The following SAMD12 variants were observed in gnomAD, a reference collection of about 807,000 sequenced individuals.
SAMD12 encodes sterile alpha motif domain containing 12.
In SAMD12, 9 loss-of-function variants were observed where a neutral mutation model predicts 15.0. The observed-to-expected ratio is 0.60, with a 90% CI of 0.36 to 1.05. SAMD12 has a LOEUF of 1.05. SAMD12 is among the 50% of genes least tolerant of loss of function. SAMD12 has a pLI of 0.01. For synonymous variants in SAMD12, 86 were observed against 90.1 expected (o/e 0.96, Z 0.25); for missense variants, 230 against 234.2 (o/e 0.98, Z 0.12).
intron 2 of SAMD12, among the ~76,000 whole-genome samples, chr8:118,486,333 G>C (rs545703937): frequency 1.3e-5 from 2 of 151,870 alleles, no homozygotes; most frequent in South Asian, 2.1e-4. Flanking sequence ...GGAGAATGGC[G>C]TGAACCTGGG....
At chr8:118,603,398 C>A (rs1481749934) in intron 1 of SAMD12, among the ~76,000 whole-genome samples, 1 of 151,910 alleles carries the variant, frequency 6.6e-6, no homozygotes, top group Non-Finnish European at 1.5e-5. Flanking sequence ...ATGTTTTATA[C>A]AAAGGAGAAA....
At chr8:118,511,007 A>G (rs1015092443) in intron 2 of SAMD12, among the ~76,000 whole-genome samples, 2 of 152,240 alleles carry the variant, frequency 1.3e-5, no homozygotes, top group African/African-American at 4.8e-5. Context: ...ACTGACTGTG[A>G]CAGTCTGGGA....
At chr8:118,453,211 C>T (rs1313226763) in intron 2 of SAMD12, among the ~76,000 whole-genome samples, 2 of 152,054 alleles carry the variant, frequency 1.3e-5, no homozygotes, top group South Asian at 4.1e-4. Flanking sequence ...TATTCTAAGA[C>T]CTCTATTTGG....
chr8:118,197,081 GAAAA>G (rs112954413), exon 5 of SAMD12: 1 of 141,830 alleles, frequency 7.1e-6, no homozygotes, highest in Non-Finnish European at 1.5e-5. Flanking sequence ...GTCTGAGCCG[GAAAA>G]AAAAAAACCA....
At chr8:118,134,717 C>T in the SAMD12 span, among the ~76,000 whole-genome samples, 1 of 152,286 alleles carries the variant, frequency 6.6e-6, no homozygotes, top group African/African-American at 2.4e-5. Flanking sequence ...GGTTTGTGGT[C>T]AGGCAATACT....
intron 3 of SAMD12, among the ~76,000 whole-genome samples, chr8:118,429,170 G>C (rs574372231): frequency 5.3e-5 from 8 of 152,206 alleles, no homozygotes; most frequent in African/African-American, 1.7e-4. Context: ...CTATTACATA[G>C]TAATCTTGTA....
intron 2 of SAMD12, among the ~76,000 whole-genome samples, chr8:118,518,182 A>G (rs1049141901): frequency 2.6e-5 from 4 of 152,204 alleles, no homozygotes; most frequent in African/African-American, 9.6e-5. Flanking sequence ...TCATATGCCT[A>G]CCACTGTAGA....
chr8:118,393,960 T>G (rs1226310300), intron 3 of SAMD12, among the ~76,000 whole-genome samples: 7 of 152,174 alleles, frequency 4.6e-5, no homozygotes, highest in Admixed American at 2.0e-4. Flanking sequence ...CAAGTGAAGT[T>G]TAAATTCAGG....
At chr8:118,494,373 C>A (rs918924031) in intron 2 of SAMD12, among the ~76,000 whole-genome samples, 4 of 152,106 alleles carry the variant, frequency 2.6e-5, no homozygotes, top group African/African-American at 9.7e-5. Flanking sequence ...GTTAGAGCAG[C>A]AACAGGAAAA....
intron 2 of SAMD12, among the ~76,000 whole-genome samples, chr8:118,516,829 G>A (rs1825258117): frequency 1.3e-5 from 2 of 152,096 alleles, no homozygotes; most frequent in South Asian, 4.1e-4. Flanking sequence ...AGTAGAGATG[G>A]GGTTTCACTG....
chr8:118,497,830 G>C (rs1246697670), intron 2 of SAMD12, among the ~76,000 whole-genome samples: 1 of 151,866 alleles, frequency 6.6e-6, no homozygotes, highest in Non-Finnish European at 1.5e-5. Flanking sequence ...CTTGATCAGG[G>C]ATTTAGAAGT....
chr8:118,492,991 T>C (rs937357017), intron 2 of SAMD12, among the ~76,000 whole-genome samples: 24 of 152,158 alleles, frequency 1.6e-4, no homozygotes, highest in African/African-American at 5.5e-4. Flanking sequence ...ATACCCAGTA[T>C]ATCAAGTATT....
chr8:118,205,373 A>C (rs910536055), intron 4 of SAMD12, among the ~76,000 whole-genome samples: 2 of 152,252 alleles, frequency 1.3e-5, no homozygotes, highest in East Asian at 3.8e-4. Flanking sequence ...TAGCACTATC[A>C]TTCACCAAGT....
At chr8:118,372,083 G>A (rs906126795) in intron 4 of SAMD12, among the ~76,000 whole-genome samples, 2 of 152,154 alleles carry the variant, frequency 1.3e-5, no homozygotes, top group Admixed American at 6.6e-5. Context: ...AGGCATGAAA[G>A]AGCCTGGAAA....
At chr8:118,205,128 C>T (rs1360256509) in intron 4 of SAMD12, among the ~76,000 whole-genome samples, 2 of 152,226 alleles carry the variant, frequency 1.3e-5, no homozygotes, top group African/African-American at 4.8e-5. Flanking sequence ...GGATAATTCA[C>T]TCTTTCTGCC....
intron 4 of SAMD12, among the ~76,000 whole-genome samples, chr8:118,315,574 G>A (rs756348956): frequency 2.6e-5 from 4 of 152,166 alleles, no homozygotes; most frequent in Non-Finnish European, 5.9e-5. Context: ...TGAGAGTGAT[G>A]AAACATAGAC....
intron 4 of SAMD12, among the ~76,000 whole-genome samples, chr8:118,336,707 T>C (rs995196739): frequency 1.3e-5 from 2 of 152,202 alleles, no homozygotes; most frequent in Non-Finnish European, 2.9e-5. Flanking sequence ...TTTTTAATGA[T>C]TGCCATTCTA....
chr8:118,500,005 G>A (rs985756674), intron 2 of SAMD12, among the ~76,000 whole-genome samples: 8 of 138,572 alleles, frequency 5.8e-5, no homozygotes, highest in Non-Finnish European at 7.8e-5. Context: ...TGATCTGTAC[G>A]GTCCCCCCAC....
rs762035151 is a variant in SAMD12 at position 118,269,194 on chromosome 8, TTCTCTC to T, written c.434-71468_434-71463del. On this transcript the variant is annotated intron_variant, in intron 4 of 4. Transcript: ENST00000409003. ...CCTTTCACATTCTTCTTTGCTTTTG[TTCTCTC>T]TCTCTCTCTCTCTCTCTCTCTGTGT... 3.5e-4 allele frequency among the ~76,000 whole-genome samples: 49 copies of T among 138,562 alleles called. 1 individual carries two copies. The highest frequency in any genetic ancestry group is 6.9e-3 in the Middle Eastern group (2 of 290). The allele number at this position is 138,562 out of a possible 152,430, so 90.9% of individuals were successfully genotyped here.
Sources: gnomAD v4.1 joint callset for allele counts (sites outside exome capture counted in the v4.1 genomes callset) on GRCh38, gnomAD v4.1.1 for gene constraint, MANE v1.5 for transcripts, NCBI Gene and HGNC (gene_info 2026-07-23, HGNC 2026-07-21) for gene names.